Variants in CACNG2 observed in about 807,000 individuals in gnomAD.
CACNG2 encodes the protein calcium voltage-gated channel auxiliary subunit gamma 2, also known as voltage-dependent calcium channel gamma-2 subunit.
In CACNG2, 3 loss-of-function variants were observed where a neutral mutation model predicts 25.9. The ratio of observed to expected loss-of-function variants is 0.12; its 90% CI spans 0.05 to 0.30. The LOEUF is 0.30. Among genes scored for constraint, CACNG2 ranks in the 10% least tolerant of loss-of-function variants. The pLI is 1.00. For missense variants in CACNG2, 341 were observed against 432.5 expected, an observed-to-expected ratio of 0.79 and a Z score of 1.88; for synonymous variants, 167 against 173.3, an observed-to-expected ratio of 0.96 and a Z score of 0.29.
At chr22:36,569,832 G>C (rs1236052485) in intron 2 of CACNG2, among the ~76,000 whole-genome samples, 1 of 152,156 alleles carries the variant, frequency 6.6e-6, no homozygotes, top group Non-Finnish European at 1.5e-5. Flanking sequence ...GAGCCACCGC[G>C]CCCGGCCGTT....
chr22:36,677,051 G>A (rs2145997914), intron 1 of CACNG2, among the ~76,000 whole-genome samples: 1 of 150,122 alleles, frequency 6.7e-6, no homozygotes, highest in South Asian at 2.1e-4. Flanking sequence ...CTCTTCTCTG[G>A]TTCTAACAAT....
intron 2 of CACNG2, among the ~76,000 whole-genome samples, chr22:36,579,946 C>T (rs1333416894): frequency 1.3e-5 from 2 of 152,214 alleles, no homozygotes; most frequent in Admixed American, 6.5e-5. Context: ...TTGTTCTTTG[C>T]GCTCATCGCT....
intron 1 of CACNG2, among the ~76,000 whole-genome samples, chr22:36,614,203 G>C (rs1325370717): frequency 6.6e-6 from 1 of 152,118 alleles, no homozygotes; most frequent in Non-Finnish European, 1.5e-5. Flanking sequence ...CCTGTTGTAA[G>C]TCCCAGGACC....
chr22:36,605,069 T>A (rs1322562220), intron 1 of CACNG2, among the ~76,000 whole-genome samples: 1 of 152,076 alleles, frequency 6.6e-6, no homozygotes, highest in Non-Finnish European at 1.5e-5. Context: ...GCCACTGCCC[T>A]TGGCCCAACA....
intron 1 of CACNG2, among the ~76,000 whole-genome samples, chr22:36,639,707 C>G (rs1207851484): frequency 6.6e-6 from 1 of 152,328 alleles, no homozygotes; most frequent in East Asian, 1.9e-4. Context: ...AGTCATCCAT[C>G]AAATGAAATT....
intron 1 of CACNG2, among the ~76,000 whole-genome samples, chr22:36,643,367 A>G (rs1013635284): frequency 6.6e-6 from 1 of 151,236 alleles, no homozygotes; most frequent in Admixed American, 6.6e-5. Flanking sequence ...AGCCCCAACT[A>G]TATGCTGTGC....
In CACNG2 at chr22:36,652,960, C is replaced by T. The variant is rs1042546193; in HGVS notation, c.211+49406G>A. ...GACAGTCCCCATGCTGGAGTCCCCCCGGGCTGTAGGCAAAGACAGAGATGT... is the reference window on the plus strand; with the variant it reads ...GACAGTCCCCATGCTGGAGTCCCCCTGGGCTGTAGGCAAAGACAGAGATGT... On this transcript the variant is annotated intron_variant, in intron 1 of 3. Coordinates refer to ENST00000300105, the MANE Select transcript of CACNG2 (RefSeq NM_006078.5). Among the ~76,000 whole-genome samples the T allele has an allele frequency of 4.6e-5, 7 of 152,084 alleles. No individual in the cohort carries two copies. In the East Asian group the frequency reaches 5.8e-4, roughly 13 times the overall value.
chr22:36,649,314 C>T lies in CACNG2; in HGVS notation c.211+53052G>A, dbSNP rs542897856. On this transcript the variant is annotated intron_variant, in intron 1 of 3. Coordinates refer to ENST00000300105, the MANE Select transcript of CACNG2 (RefSeq NM_006078.5). Reference sequence around the variant, plus strand: ...TACTTCCTTTTTTCTTTTTTTGAGACGGAGTCTCACTCTGTCACCCGGGCT... The same window carrying T: ...TACTTCCTTTTTTCTTTTTTTGAGATGGAGTCTCACTCTGTCACCCGGGCT... Among the ~76,000 whole-genome samples the T allele has an allele frequency of 1.1e-4, 16 of 152,146 alleles. No individual in the cohort carries two copies. In the South Asian group the frequency reaches 1.2e-3, roughly 12 times the overall value.
chr22:36,690,660 G>A (rs1417981512), intron 1 of CACNG2, among the ~76,000 whole-genome samples: 2 of 152,194 alleles, frequency 1.3e-5, no homozygotes, highest in Admixed American at 6.5e-5. Context: ...TATATTTCTT[G>A]TCCAAGGGAA....
chr22:36,660,956 G>GCA (rs1343077269), intron 1 of CACNG2, among the ~76,000 whole-genome samples: 55 of 152,360 alleles, frequency 3.6e-4, no homozygotes, highest in African/African-American at 1.3e-3. Context: ...AGATACAGTG[G>GCA]CAGTACCCAG....
At chr22:36,649,581 C>T (rs761644839) in intron 1 of CACNG2, among the ~76,000 whole-genome samples, 4 of 152,142 alleles carry the variant, frequency 2.6e-5, no homozygotes, top group Non-Finnish European at 4.4e-5. Flanking sequence ...CCACCACGCC[C>T]GGCCAACAGC....
intron 1 of CACNG2, among the ~76,000 whole-genome samples, chr22:36,655,254 T>C (rs1936685637): frequency 6.6e-6 from 1 of 152,210 alleles, no homozygotes; most frequent in Non-Finnish European, 1.5e-5. Flanking sequence ...GTTAGACAAA[T>C]GTAGCCTACT....
At chr22:36,649,239 C>T (rs190771051) in intron 1 of CACNG2, among the ~76,000 whole-genome samples, 18 of 152,290 alleles carry the variant, frequency 1.2e-4, no homozygotes, top group East Asian at 1.2e-3. Context: ...GAGTCACCCT[C>T]GACTCTTCTT....
At position 36,582,483 on chromosome 22, in the gene CACNG2, G is replaced by A. The variant is rs1156564678; in HGVS notation, c.295+4982C>T. 8.7e-5 allele frequency among the ~76,000 whole-genome samples: 13 copies of A among 149,358 alleles called. No individual in the cohort carries two copies. The East Asian group carries it at 1.8e-3, about 20-fold the overall frequency. On this transcript the variant is annotated intron_variant, in intron 2 of 3. Coordinates refer to ENST00000300105, the MANE Select transcript of CACNG2 (RefSeq NM_006078.5). The stretch of plus-strand genomic sequence containing the variant: ...TGCAATGGCATGGTCTCAGCTCACT[G>A]CAACCTCCACCTCCTGGGTTCAAAT...
At chr22:36,569,282 T>C (rs1340237142) in intron 2 of CACNG2, among the ~76,000 whole-genome samples, 1 of 152,070 alleles carries the variant, frequency 6.6e-6, no homozygotes, top group Non-Finnish European at 1.5e-5. Flanking sequence ...ACAAGAAAAT[T>C]GAGGTTCAGA....
At chr22:36,573,876 G>A (rs1387489365) in intron 2 of CACNG2, among the ~76,000 whole-genome samples, 1 of 152,190 alleles carries the variant, frequency 6.6e-6, no homozygotes, top group East Asian at 1.9e-4. Context: ...TGGCGAATAA[G>A]GAGCAGCTGA....
rs376941411 is a variant in CACNG2, at chr22:36,657,871, T to C, written c.211+44495A>G. 1.2e-4 allele frequency among the ~76,000 whole-genome samples: 18 copies of C among 152,126 alleles called. 1 individual carries two copies. The highest frequency in any genetic ancestry group is 6.3e-4 in the South Asian group (3 of 4,798). On this transcript the variant is annotated intron_variant, in intron 1 of 3. Coordinates refer to ENST00000300105, the MANE Select transcript of CACNG2 (RefSeq NM_006078.5). ...GGGAGCCAGGCAGGTAGTAAAATCC[T>C]AGTGTGGTTATGGTGCTGGGGCAAA...
At chr22:36,659,395 AC>A (rs1311708802) in intron 1 of CACNG2, among the ~76,000 whole-genome samples, 1 of 152,016 alleles carries the variant, frequency 6.6e-6, no homozygotes, top group Non-Finnish European at 1.5e-5. Context: ...GAGTGTGTTA[AC>A]CAGGTCAAAG....
intron 1 of CACNG2, among the ~76,000 whole-genome samples, chr22:36,611,842 C>A (rs956467099): frequency 6.6e-6 from 1 of 152,208 alleles, no homozygotes; most frequent in Admixed American, 6.5e-5. Flanking sequence ...TGATAGCCGT[C>A]TCGGGGACAA....
Sources: gnomAD v4.1 joint callset for allele counts (sites outside exome capture counted in the v4.1 genomes callset) on GRCh38, gnomAD v4.1.1 for gene constraint, MANE v1.5 for transcripts, NCBI Gene and HGNC (gene_info 2026-07-23, HGNC 2026-07-21) for gene names.